ELMO1: variants seen among roughly 807,000 people sequenced by gnomAD.
ELMO1 encodes engulfment and cell motility protein 1.
ELMO1 carries 26 observed loss-of-function variants against 98.9 expected under a neutral mutation model. The observed-to-expected ratio is 0.26, with a 90% CI of 0.19 to 0.36. ELMO1 has a LOEUF of 0.36. Among genes scored for constraint, ELMO1 ranks in the 10% least tolerant of loss-of-function variants. The pLI, the probability that ELMO1 is intolerant of heterozygous loss-of-function variation, is 1.00. For missense variants in ELMO1, 627 were observed against 935.2 expected (o/e 0.67, Z 4.30); for synonymous variants, 346 against 346.0 (o/e 1.00, Z 0.00).
At chr7:37,225,169 G>T in intron 8 of ELMO1, 139 bp from the exon 9 acceptor site, 1 of 908,250 alleles carries the variant, frequency 1.1e-6, no homozygotes, top group Non-Finnish European at 1.7e-6. Context: ...CAGCAAAATA[G>T]CAAGAAACCC....
chr7:37,122,915 C>T (rs1584681256), intron 14 of ELMO1, among the ~76,000 whole-genome samples: 1 of 152,146 alleles, frequency 6.6e-6, no homozygotes, highest in Non-Finnish European at 1.5e-5. Context: ...TGTAAAAGAA[C>T]ATAAATTATA....
At chr7:37,364,044 A>G (rs77972791) in intron 1 of ELMO1, among the ~76,000 whole-genome samples, 12,330 of 152,012 alleles carry the variant, frequency 0.081, 608 homozygotes, top group Middle Eastern at 0.12. Context: ...TCTGACTAAC[A>G]CTCTGCCAGG....
intron 15 of ELMO1, among the ~76,000 whole-genome samples, chr7:37,073,593 T>C (rs551196080): frequency 5.2e-4 from 79 of 151,228 alleles, no homozygotes; most frequent in African/African-American, 1.8e-3. Flanking sequence ...TGTGTGTGTG[T>C]GCATGTTTTT....
chr7:37,107,212 G>A (rs1172523220), intron 14 of ELMO1, among the ~76,000 whole-genome samples: 2 of 152,178 alleles, frequency 1.3e-5, no homozygotes, highest in Admixed American at 1.3e-4. Flanking sequence ...AAGGACATGG[G>A]ATTTGTAAGA....
rs750882508 is a variant in ELMO1, at chr7:37,259,279, C to A, written c.315G>T (p.Lys105Asn). Residue 105 changes from lysine to asparagine, a missense_variant, in exon 6 of 22, where the codon AAG becomes AAT. This residue lies in a region of ELMO1 where 123 missense variants were observed against 171.2 expected (regional missense o/e 0.72). Transcript: ENST00000310758. ...SSMDAKLEAL[K>N]DLASLSRDVT... ...CATCCCGGGAGAGGCTGGCCAAGTC[C>A]TTCAGGGCTTCCAGCTTGGCATCCA... 1.2e-6 allele frequency: 2 copies of A among 1,614,150 alleles called. No homozygotes were observed. Among genetic ancestry groups the A allele is most frequent in the Non-Finnish European group, 1.7e-6 (2 of 1,180,010 alleles).
intron 15 of ELMO1, among the ~76,000 whole-genome samples, chr7:37,085,111 G>A (rs1783690706): frequency 6.6e-6 from 1 of 152,164 alleles, no homozygotes; most frequent in Non-Finnish European, 1.5e-5. Context: ...TGGGAGACCT[G>A]ATTGGCATCC....
chr7:37,276,498 C>G (rs1239887652), intron 4 of ELMO1, among the ~76,000 whole-genome samples: 1 of 152,130 alleles, frequency 6.6e-6, no homozygotes, highest in Non-Finnish European at 1.5e-5. Context: ...GTAGTCCCAG[C>G]TACTCGGGAG....
intron 4 of ELMO1, among the ~76,000 whole-genome samples, chr7:37,296,877 T>G (rs1798054002): frequency 1.3e-5 from 2 of 152,108 alleles, no homozygotes; most frequent in African/African-American, 2.4e-5. Context: ...AGAGGAAAAT[T>G]AGGTTTTCTC....
chr7:36,988,040 G>A (rs369214503), intron 16 of ELMO1, among the ~76,000 whole-genome samples: 1 of 152,226 alleles, frequency 6.6e-6, no homozygotes, highest in African/African-American at 2.4e-5. Context: ...TTACAGGCGG[G>A]AGCCACGACG....
intron 1 of ELMO1, among the ~76,000 whole-genome samples, chr7:37,402,879 T>C (rs1424696916): frequency 6.6e-6 from 1 of 152,226 alleles, no homozygotes; most frequent in Non-Finnish European, 1.5e-5. Flanking sequence ...CCTTTGAAGA[T>C]AGTTTGGTAC....
intron 7 of ELMO1, among the ~76,000 whole-genome samples, chr7:37,239,351 G>A (rs1036655977): frequency 1.3e-5 from 2 of 152,134 alleles, no homozygotes; most frequent in African/African-American, 4.8e-5. Flanking sequence ...ATTTTTAGTA[G>A]AGACAGGGTT....
rs539832631 is a variant in ELMO1 at position 37,083,012 on chromosome 7, C to T, written c.1300+13607G>A. Among the ~76,000 whole-genome samples the T allele has an allele frequency of 5.3e-5, 8 of 152,300 alleles. 1 individual carries two copies. The South Asian group carries it at 1.4e-3, about 28-fold the overall frequency. ...TACAGTCAGCATATTGGTTACATAA[C>T]AAGGAGTACCACAGTAGCTTTAGAG... On this transcript the variant is annotated intron_variant, in intron 15 of 21. Coordinates refer to ENST00000310758, the MANE Select transcript of ELMO1 (RefSeq NM_014800.11).
chr7:37,068,052 G>A (rs1044476476), intron 15 of ELMO1, among the ~76,000 whole-genome samples: 30 of 152,156 alleles, frequency 2.0e-4, no homozygotes, highest in African/African-American at 6.8e-4. Context: ...AAGACCAACA[G>A]GTAATAGGCA....
chr7:36,876,913 A>G (rs1451396157), intron 19 of ELMO1, among the ~76,000 whole-genome samples: 1 of 152,212 alleles, frequency 6.6e-6, no homozygotes, highest in African/African-American at 2.4e-5. Flanking sequence ...AGAAAACAAG[A>G]TCGTTTTCTG....
At chr7:36,963,786 T>C (rs1584444522) in intron 16 of ELMO1, among the ~76,000 whole-genome samples, 2 of 152,216 alleles carry the variant, frequency 1.3e-5, no homozygotes, top group South Asian at 4.1e-4. Flanking sequence ...GAGAGTCAAC[T>C]TTGAAGGACA....
At chr7:37,432,148 C>G (rs1731997) in intron 1 of ELMO1, among the ~76,000 whole-genome samples, 2 of 152,080 alleles carry the variant, frequency 1.3e-5, no homozygotes, top group Non-Finnish European at 2.9e-5. Flanking sequence ...CCCAAAGTGT[C>G]GGGATTACAG....
At chr7:37,121,930 T>G (rs1278849323) in intron 14 of ELMO1, among the ~76,000 whole-genome samples, 5 of 152,184 alleles carry the variant, frequency 3.3e-5, no homozygotes, top group African/African-American at 4.8e-5. Flanking sequence ...GACTAACAGC[T>G]GATCTCTCGG....
At chr7:36,917,331 A>C (rs922776493) in intron 16 of ELMO1, among the ~76,000 whole-genome samples, 4 of 152,230 alleles carry the variant, frequency 2.6e-5, no homozygotes, top group African/African-American at 9.6e-5. Flanking sequence ...TGCTGGATTT[A>C]TCTACATTAA....
At chr7:37,124,238 A>C (rs982214626) in intron 14 of ELMO1, among the ~76,000 whole-genome samples, 1 of 152,102 alleles carries the variant, frequency 6.6e-6, no homozygotes, top group South Asian at 2.1e-4. Context: ...ACAGGGATGC[A>C]CTCTCTCACC....
Sources: allele counts gnomAD v4.1 joint callset (sites outside exome capture counted in the v4.1 genomes callset), GRCh38; gene constraint gnomAD v4.1.1; regional missense constraint gnomAD v4.1.1; transcripts MANE v1.5; gene names NCBI Gene and HGNC (gene_info 2026-07-23, HGNC 2026-07-21).